Variants in CDKAL1 observed in about 807,000 individuals in gnomAD.
The protein encoded by CDKAL1 is CDKAL1 threonylcarbamoyladenosine tRNA methylthiotransferase, also known as threonylcarbamoyladenosine tRNA methylthiotransferase.
A neutral mutation model predicts 68.2 loss-of-function variants in CDKAL1; 32 were observed. The ratio of observed to expected loss-of-function variants is 0.47; its 90% CI spans 0.35 to 0.63. CDKAL1 has a LOEUF of 0.63. Among genes scored for constraint, CDKAL1 ranks in the 30% least tolerant of loss-of-function variants. CDKAL1 has a pLI of 0.00. For missense variants in CDKAL1, 606 were observed against 696.7 expected, an observed-to-expected ratio of 0.87 and a Z score of 1.47; for synonymous variants, 234 against 244.3, an observed-to-expected ratio of 0.96 and a Z score of 0.39.
intron 9 of CDKAL1, among the ~76,000 whole-genome samples, chr6:20,892,583 T>A (rs1041927779): frequency 6.6e-6 from 1 of 152,160 alleles, no homozygotes; most frequent in African/African-American, 2.4e-5. Context: ...TGTATATTTA[T>A]ATATTTATAT....
chr6:20,795,167 A>G (rs772728338), intron 8 of CDKAL1, among the ~76,000 whole-genome samples: 3 of 151,984 alleles, frequency 2.0e-5, no homozygotes, highest in East Asian at 1.9e-4. Flanking sequence ...TTTAATTCCT[A>G]TAGGTTTATA....
intron 11 of CDKAL1, among the ~76,000 whole-genome samples, chr6:21,049,459 A>C (rs1172090258): frequency 6.6e-6 from 1 of 152,230 alleles, no homozygotes; most frequent in Non-Finnish European, 1.5e-5. Context: ...TTTAACCAGC[A>C]ATATCATAAA....
At position 21,203,215 on chromosome 6, in the gene CDKAL1, A is replaced by ATTTTTT. The variant is rs371165972; in HGVS notation, c.1548+1973_1548+1978dup. Among the ~76,000 whole-genome samples, 35 of 47,124 alleles carry ATTTTTT rather than the reference A, an allele frequency of 7.4e-4. 7 individuals carry two copies. Among genetic ancestry groups the ATTTTTT allele is most frequent in the Non-Finnish European group, 9.9e-4 (26 of 26,136 alleles). 30.9% of individuals were successfully genotyped at this position (47,124 alleles called of 152,430 possible). On this transcript the variant is annotated intron_variant, in intron 15 of 15. Transcript: ENST00000274695. The stretch of plus-strand genomic sequence containing the variant: ...TAGGCATGCACCACCATCCTGGCTA[A>ATTTTTT]TTTTTTTTTTTTTTTTTTTTTTTTT...
chr6:21,231,190 CCT>C lies in CDKAL1; in HGVS notation c.*152_*153del, dbSNP rs545448011. ...AGCCACTCTTCTTAATGAGGCTCCC[CCT>C]GTCTCACATTGAGTTGGGCCCATTG... On this transcript the variant is annotated 3_prime_UTR_variant, in exon 16 of 16. Transcript: ENST00000274695. 4.0e-4 allele frequency: 212 copies of C among 533,738 alleles called. 1 individual carries two copies. Among genetic ancestry groups the C allele is most frequent in the African/African-American group, 3.5e-3 (188 of 53,162 alleles). The allele number at this position is 533,738 out of a possible 1,614,324, so 33.1% of individuals were successfully genotyped here.
chr6:21,216,902 T>G (rs1779356057), intron 15 of CDKAL1, among the ~76,000 whole-genome samples: 1 of 152,186 alleles, frequency 6.6e-6, no homozygotes, highest in Non-Finnish European at 1.5e-5. Flanking sequence ...GGAGTGGCAT[T>G]GCTGGGTTGG....
chr6:20,985,541 C>T (rs1163448223), intron 10 of CDKAL1, among the ~76,000 whole-genome samples: 1 of 152,196 alleles, frequency 6.6e-6, no homozygotes, highest in African/African-American at 2.4e-5. Context: ...GTGATCTGCC[C>T]ACCTCTGCCT....
chr6:21,016,328 C>A (rs899883282), intron 11 of CDKAL1, among the ~76,000 whole-genome samples: 5 of 151,990 alleles, frequency 3.3e-5, no homozygotes, highest in African/African-American at 4.8e-5. Context: ...GTGCTTTTTA[C>A]CTACTGTACT....
intron 13 of CDKAL1, among the ~76,000 whole-genome samples, chr6:21,183,699 G>A (rs551892398): frequency 6.6e-6 from 1 of 152,288 alleles, no homozygotes; most frequent in East Asian, 1.9e-4. Context: ...GATAGTAGAA[G>A]TGCTGCGGGT....
intron 8 of CDKAL1, among the ~76,000 whole-genome samples, chr6:20,800,210 A>T (rs1776309609): frequency 1.3e-5 from 2 of 152,196 alleles, no homozygotes; most frequent in African/African-American, 4.8e-5. Context: ...AATAGCCAAA[A>T]ATGGGAAACA....
At chr6:20,547,653 A>T (rs569916182) in intron 3 of CDKAL1, among the ~76,000 whole-genome samples, 19 of 152,246 alleles carry the variant, frequency 1.2e-4, no homozygotes, top group Non-Finnish European at 2.5e-4. Flanking sequence ...TGGAATTTAA[A>T]ATTTGCTTAT....
intron 15 of CDKAL1, among the ~76,000 whole-genome samples, chr6:21,219,091 A>C (rs1186248565): frequency 6.6e-6 from 1 of 152,200 alleles, no homozygotes; most frequent in Non-Finnish European, 1.5e-5. Flanking sequence ...GAGTGATAGG[A>C]AAATATGTAG....
intron 13 of CDKAL1, among the ~76,000 whole-genome samples, chr6:21,153,298 A>G (rs1391879258): frequency 6.6e-6 from 1 of 150,954 alleles, no homozygotes; most frequent in Non-Finnish European, 1.5e-5. Context: ...AAATACAAAG[A>G]AAAGAATTGC....
At chr6:20,979,832 C>T (rs1323634716) in intron 10 of CDKAL1, among the ~76,000 whole-genome samples, 4 of 147,524 alleles carry the variant, frequency 2.7e-5, no homozygotes, top group Non-Finnish European at 5.9e-5. Flanking sequence ...GGTGCAGTGG[C>T]ATAATCCCAA....
chr6:20,982,187 C>T (rs1447165071), intron 10 of CDKAL1, among the ~76,000 whole-genome samples: 2 of 151,960 alleles, frequency 1.3e-5, no homozygotes, highest in Non-Finnish European at 2.9e-5. Context: ...CCACCTCAGC[C>T]TCCTGAGATT....
intron 7 of CDKAL1, among the ~76,000 whole-genome samples, chr6:20,759,001 C>T (rs1268096022): frequency 6.6e-6 from 1 of 151,948 alleles, no homozygotes; most frequent in African/African-American, 2.4e-5. Flanking sequence ...CAGCTTGATG[C>T]TGTGGTGTGC....
intron 12 of CDKAL1, among the ~76,000 whole-genome samples, chr6:21,091,979 C>G (rs1331402956): frequency 4.0e-5 from 6 of 148,344 alleles, no homozygotes; most frequent in African/African-American, 1.5e-4. Flanking sequence ...CTCCGCCTCC[C>G]GGGTTCACGC....
rs199509135 is a variant in CDKAL1 at position 20,557,041 on chromosome 6, C to CA, written c.286+8348dup. The stretch of plus-strand genomic sequence containing the variant: ...CAACAGAAAGAACGAGTCTCCATCT[C>CA]AAAAAAAAAAAATAAATAAATAAAT... On this transcript the variant is annotated intron_variant, in intron 4 of 15. Transcript: ENST00000274695. Among the ~76,000 whole-genome samples, 282 of 121,096 alleles carry CA rather than the reference C, an allele frequency of 2.3e-3. 6 individuals are homozygous for CA. The highest frequency in any genetic ancestry group is 3.7e-3 in the Admixed American group (39 of 10,572). The allele number at this position is 121,096 out of a possible 152,430, so 79.4% of individuals were successfully genotyped here. A position where few individuals can be genotyped will look rare whatever the true frequency, so the allele number is the denominator to read the frequency against.
In CDKAL1 at chr6:21,070,860, AGTGTTGG is replaced by A. The variant is rs1391195221; in HGVS notation, c.1236+5633_1236+5639del. On this transcript the variant is annotated intron_variant, in intron 12 of 15. Coordinates refer to ENST00000274695, the MANE Select transcript of CDKAL1 (RefSeq NM_017774.3). ...ACAGAAATTGTAGTCCCTGAACAGC[AGTGTTGG>A]CAGCAGCTGTGAGGCTGCTGGAAAT... 7.2e-5 allele frequency among the ~76,000 whole-genome samples: 11 copies of A among 152,144 alleles called. No individual in the cohort carries two copies. In the East Asian group the frequency reaches 1.5e-3, roughly 21 times the overall value.
In CDKAL1 at chr6:21,064,429, A is replaced by G. The variant is rs959102623; in HGVS notation, c.1056-619A>G. ...AAAGAAAAGGGGACTGGTACATTAT[A>G]CAATATGTCAAAGGTTTAGAAAACA... On this transcript the variant is annotated intron_variant, in intron 11 of 15. Coordinates refer to ENST00000274695, the MANE Select transcript of CDKAL1 (RefSeq NM_017774.3). Among the ~76,000 whole-genome samples the G allele has an allele frequency of 3.9e-5, 6 of 152,258 alleles. No individual in the cohort carries two copies. In the South Asian group the frequency reaches 1.0e-3, roughly 26 times the overall value.
Sources: allele counts gnomAD v4.1 joint callset (sites outside exome capture counted in the v4.1 genomes callset), GRCh38; gene constraint gnomAD v4.1.1; transcripts MANE v1.5; gene names NCBI Gene and HGNC (gene_info 2026-07-23, HGNC 2026-07-21).